Variants in SHISA6 observed in about 807,000 individuals in gnomAD.
The protein encoded by SHISA6 is shisa family member 6.
SHISA6 carries 22 observed loss-of-function variants against 47.9 expected under a neutral mutation model. The observed-to-expected ratio is 0.46, with a 90% confidence interval of 0.33 to 0.66. The LOEUF (loss-of-function observed/expected upper bound fraction) is 0.66, where lower values mean the gene tolerates loss of function less well. Among genes scored for constraint, SHISA6 ranks in the 30% least tolerant of loss-of-function variants. SHISA6 has a pLI of 0.02. For synonymous variants in SHISA6, 388 were observed against 337.8 expected (o/e 1.15, Z -1.63); for missense variants, 680 against 764.6 (o/e 0.89, Z 1.30).
intron 2 of SHISA6, among the ~76,000 whole-genome samples, chr17:11,355,401 C>A (rs1912048000): frequency 6.6e-6 from 1 of 152,166 alleles, no homozygotes. Context: ...CTAGCAGAAC[C>A]ATTTGACGAT....
intron 3 of SHISA6, among the ~76,000 whole-genome samples, chr17:11,412,679 C>G (rs879112226): frequency 6.6e-6 from 1 of 151,956 alleles, no homozygotes; most frequent in African/African-American, 2.4e-5. Context: ...GTAGCTGGGA[C>G]TACAGGCACC....
chr17:11,520,271 A>T (rs2071618862), intron 3 of SHISA6, among the ~76,000 whole-genome samples: 1 of 152,178 alleles, frequency 6.6e-6, no homozygotes, highest in South Asian at 2.1e-4. Context: ...CTGTGCGCCC[A>T]ACAAATTTTT....
At chr17:11,298,093 GA>G (rs2142175039) in intron 2 of SHISA6, among the ~76,000 whole-genome samples, 1 of 152,340 alleles carries the variant, frequency 6.6e-6, no homozygotes, top group East Asian at 1.9e-4. Context: ...TTACATCTAT[GA>G]ATTAATTTAT....
intron 2 of SHISA6, among the ~76,000 whole-genome samples, chr17:11,362,544 G>A (rs1912323013): frequency 2.0e-5 from 3 of 152,148 alleles, no homozygotes; most frequent in Non-Finnish European, 4.4e-5. Flanking sequence ...ATGGCAGCCC[G>A]ATGCTCCCGA....
At chr17:11,350,182 A>ATTTATTTATTTTTT (rs964679787) in intron 2 of SHISA6, among the ~76,000 whole-genome samples, 43 of 116,266 alleles carry the variant, frequency 3.7e-4, no homozygotes, top group Non-Finnish European at 5.0e-4. Context: ...TTATTTATTT[A>ATTTATTTATTTTTT]TTTTTTTTTT....
At chr17:11,345,084 A>G (rs748389546) in intron 2 of SHISA6, among the ~76,000 whole-genome samples, 111 of 152,246 alleles carry the variant, frequency 7.3e-4, no homozygotes, top group Non-Finnish European at 1.5e-3. Context: ...CTCCATTCTT[A>G]TCCATGTTGC....
chr17:11,409,435 G>A (rs1386363837), intron 3 of SHISA6, among the ~76,000 whole-genome samples: 4 of 152,154 alleles, frequency 2.6e-5, no homozygotes, highest in African/African-American at 7.2e-5. Flanking sequence ...GACAGTGTCG[G>A]GCCAGGAGTG....
At chr17:11,325,386 G>T (rs1437364066) in intron 2 of SHISA6, among the ~76,000 whole-genome samples, 2 of 152,244 alleles carry the variant, frequency 1.3e-5, no homozygotes, top group African/African-American at 4.8e-5. Context: ...CACTGCTGCG[G>T]CTACCCGAGG....
intron 3 of SHISA6, among the ~76,000 whole-genome samples, chr17:11,398,785 G>C (rs949823902): frequency 6.6e-6 from 1 of 151,954 alleles, no homozygotes; most frequent in Non-Finnish European, 1.5e-5. Context: ...TAGATATGGG[G>C]TTTCACCATG....
intron 3 of SHISA6, among the ~76,000 whole-genome samples, chr17:11,393,936 C>T (rs1913477819): frequency 6.6e-6 from 1 of 152,214 alleles, no homozygotes; most frequent in Admixed American, 6.5e-5. Context: ...CTTATTGAAC[C>T]AATATACTCA....
chr17:11,383,419 G>A (rs976976142), intron 3 of SHISA6, among the ~76,000 whole-genome samples: 2 of 152,234 alleles, frequency 1.3e-5, no homozygotes, highest in South Asian at 2.1e-4. Context: ...TGCAATAAAC[G>A]CGTATTCTTT....
chr17:11,396,733 G>A (rs538074476), intron 3 of SHISA6, among the ~76,000 whole-genome samples: 37 of 152,212 alleles, frequency 2.4e-4, no homozygotes, highest in African/African-American at 7.0e-4. Context: ...CACACACCAG[G>A]GCCTGTTGGG....
intron 3 of SHISA6, among the ~76,000 whole-genome samples, chr17:11,394,408 A>C (rs566550111): frequency 6.6e-6 from 1 of 152,342 alleles, no homozygotes; most frequent in South Asian, 2.1e-4. Context: ...CATCTGTGCT[A>C]AGACAGTCCC....
At chr17:11,308,297 A>G (rs558340193) in intron 2 of SHISA6, among the ~76,000 whole-genome samples, 7 of 152,222 alleles carry the variant, frequency 4.6e-5, no homozygotes, top group Admixed American at 1.3e-4. Context: ...ACAGCTAAAG[A>G]AGCAAACTGC....
intron 2 of SHISA6, among the ~76,000 whole-genome samples, chr17:11,277,881 A>G (rs1908979623): frequency 6.6e-6 from 1 of 152,208 alleles, no homozygotes; most frequent in African/African-American, 2.4e-5. Context: ...CGTTTCTTTA[A>G]GAACACTTGT....
At chr17:11,441,798 T>C (rs1460277892) in intron 3 of SHISA6, among the ~76,000 whole-genome samples, 1 of 152,160 alleles carries the variant, frequency 6.6e-6, no homozygotes, top group East Asian at 1.9e-4. Flanking sequence ...GGACCTTGAG[T>C]TGTGTCTGGT....
At chr17:11,386,325 A>C (rs1435290051) in intron 3 of SHISA6, among the ~76,000 whole-genome samples, 1 of 152,158 alleles carries the variant, frequency 6.6e-6, no homozygotes, top group Non-Finnish European at 1.5e-5. Flanking sequence ...CAGTGAGCCG[A>C]GATCATGCCA....
At chr17:11,513,002 G>C (rs758346412) in intron 3 of SHISA6, among the ~76,000 whole-genome samples, 4 of 151,964 alleles carry the variant, frequency 2.6e-5, no homozygotes, top group Non-Finnish European at 1.5e-5. Flanking sequence ...AAACGGCTGG[G>C]TGAAATGGTC....
At chr17:11,531,723 A>C (rs2071734640) in intron 3 of SHISA6, among the ~76,000 whole-genome samples, 1 of 152,230 alleles carries the variant, frequency 6.6e-6, no homozygotes, top group Non-Finnish European at 1.5e-5. Flanking sequence ...GCATGGATTC[A>C]GAAGCAATGC....
Sources: allele counts gnomAD v4.1 joint callset (sites outside exome capture counted in the v4.1 genomes callset), GRCh38; gene constraint gnomAD v4.1.1; transcripts MANE v1.5; gene names NCBI Gene and HGNC (gene_info 2026-07-23, HGNC 2026-07-21).